CHD1L: variants seen among roughly 807,000 people sequenced by gnomAD.
CHD1L encodes the protein ATP-dependent chromatin remodeler CHD1L.
A neutral mutation model predicts 115.9 loss-of-function variants in CHD1L; 118 were observed. That is an observed-to-expected ratio of 1.02 (90% CI 0.88 to 1.19). CHD1L has a LOEUF of 1.19. CHD1L is among the 50% of genes most tolerant of loss of function. The probability of loss-of-function intolerance (pLI) is 0.00; values close to 1 mark genes in which losing one functional copy is unlikely to be tolerated. For synonymous variants in CHD1L, 411 were observed against 387.1 expected (o/e 1.06, Z -0.72); for missense variants, 1,179 against 1,065.3 (o/e 1.11, Z -1.49).
At chr1:147,202,539 C>T in the CHD1L span, among the ~76,000 whole-genome samples, 5 of 151,938 alleles carry the variant, frequency 3.3e-5, no homozygotes, top group East Asian at 3.9e-4. Context: ...AAGCTGGTCT[C>T]GAACTCCTGA....
chr1:147,275,744 C>T (rs1450833745), intron 13 of CHD1L, among the ~76,000 whole-genome samples: 1 of 140,812 alleles, frequency 7.1e-6, no homozygotes, highest in African/African-American at 2.7e-5. Context: ...GGGTCTGACT[C>T]AGTTAAAAAA....
chr1:147,286,070 C>G (rs1333649989), intron 17 of CHD1L, among the ~76,000 whole-genome samples: 2 of 152,124 alleles, frequency 1.3e-5, no homozygotes, highest in Non-Finnish European at 2.9e-5. Context: ...CTCTTTTAGT[C>G]TTAAAAACAG....
the CHD1L span, chr1:147,178,946 A>T: frequency 1.9e-6 from 3 of 1,609,300 alleles, no homozygotes; most frequent in South Asian, 2.2e-5. Flanking sequence ...GGTTCCAACT[A>T]CTGGAGAAAC....
At chr1:147,218,287 G>A in the CHD1L span, among the ~76,000 whole-genome samples, 728 of 151,888 alleles carry the variant, frequency 4.8e-3, no homozygotes, top group Non-Finnish European at 7.2e-3. Context: ...CCAGGCTGGA[G>A]TGCAGTAGCA....
chr1:147,265,924 T>C lies in CHD1L; in HGVS notation c.740-8T>C. On this transcript the variant is annotated splice_polypyrimidine_tract_variant and splice_region_variant and intron_variant, in intron 7 of 22. Coordinates refer to ENST00000369258, the MANE Select transcript of CHD1L (RefSeq NM_004284.6). Reference sequence around the variant, plus strand: ...CCCACACTTCTTGTATTTTTTTTTCTTATGTAGCAAGTGAACTGCACAAAC... The same window carrying C: ...CCCACACTTCTTGTATTTTTTTTTCCTATGTAGCAAGTGAACTGCACAAAC... 6.2e-7 allele frequency: 1 copy of C among 1,602,592 alleles called. No individual in the cohort carries two copies. Among genetic ancestry groups the C allele is most frequent in the Non-Finnish European group, 8.5e-7 (1 of 1,176,092 alleles).
In CHD1L at chr1:147,295,519, C is replaced by T; in HGVS notation, c.*10C>T. On this transcript the variant is annotated 3_prime_UTR_variant, in exon 23 of 23. Transcript: ENST00000369258. ...ACAGCTGGTGCCTTAAGAATTGGCC[C>T]AGCCTCAGATCCTGTCTTTAGCAAC... 1 of 1,593,720 alleles carries T rather than the reference C, an allele frequency of 6.3e-7. No individual in the cohort carries two copies. The highest frequency in any genetic ancestry group is 8.6e-7 in the Non-Finnish European group (1 of 1,164,116).
chr1:147,249,700 G>A (rs1210269543), intron 1 of CHD1L, among the ~76,000 whole-genome samples: 1 of 152,064 alleles, frequency 6.6e-6, no homozygotes, highest in African/African-American at 2.4e-5. Context: ...CACCGCGCCC[G>A]GCAATGTTTT....
rs781861189 is a variant in CHD1L, at chr1:147,242,692, T to A, written c.-12T>A. The A allele has an allele frequency of 1.6e-5, 20 of 1,263,164 alleles. No homozygotes were observed. The highest frequency in any genetic ancestry group is 3.7e-5 in the South Asian group (1 of 26,720). The allele number at this position is 1,263,164 out of a possible 1,614,324, so 78.2% of individuals were successfully genotyped here. ...GCGCTTGGCCGCGCGGGGCGGGGCC[T>A]CTACCGGCCCGATGGAGCGCGCGGG... is the stretch of plus-strand genomic sequence containing the variant. On this transcript the variant is annotated 5_prime_UTR_variant, in exon 1 of 23. Transcript: ENST00000369258.
At chr1:147,209,088 A>G in the CHD1L span, 2 of 1,575,864 alleles carry the variant, frequency 1.3e-6, no homozygotes, top group Non-Finnish European at 1.7e-6. Flanking sequence ...TTTGTCACTC[A>G]GATTCGTAAA....
the CHD1L span, among the ~76,000 whole-genome samples, chr1:147,233,258 C>T: frequency 1.9e-4 from 29 of 152,192 alleles, no homozygotes; most frequent in Non-Finnish European, 4.0e-4. Flanking sequence ...AGCCCCTCCG[C>T]CCGGCAGCCG....
intron 1 of CHD1L, among the ~76,000 whole-genome samples, chr1:147,249,367 G>A (rs143624661): frequency 0.015 from 1,628 of 108,756 alleles, 9 homozygotes; most frequent in Admixed American, 0.022. Flanking sequence ...TTTGTCTTTT[G>A]TTTTCAGCAT....
chr1:147,185,906 C>T, the CHD1L span, among the ~76,000 whole-genome samples: 1 of 152,100 alleles, frequency 6.6e-6, no homozygotes, highest in Non-Finnish European at 1.5e-5. Context: ...CTACACTTTA[C>T]GACATGAGAA....
chr1:147,216,760 T>C, the CHD1L span, among the ~76,000 whole-genome samples: 4 of 150,270 alleles, frequency 2.7e-5, no homozygotes, highest in Admixed American at 6.6e-5. Flanking sequence ...CCTTGAGAGA[T>C]TGTGTTAGAA....
At chr1:147,263,126 A>G (rs997591343) in intron 6 of CHD1L, among the ~76,000 whole-genome samples, 5 of 152,148 alleles carry the variant, frequency 3.3e-5, no homozygotes, top group Admixed American at 2.0e-4. Flanking sequence ...TTTACATACT[A>G]TGTTTTGACA....
At chr1:147,289,552 A>G (rs1335786815) in intron 19 of CHD1L, among the ~76,000 whole-genome samples, 1 of 152,122 alleles carries the variant, frequency 6.6e-6, no homozygotes, top group Non-Finnish European at 1.5e-5. Context: ...AATGGAGATG[A>G]GAGTGTGCAG....
At chr1:147,277,889 T>C (rs1438518928) in intron 14 of CHD1L, among the ~76,000 whole-genome samples, 1 of 152,152 alleles carries the variant, frequency 6.6e-6, no homozygotes, top group African/African-American at 2.4e-5. Context: ...ATAGGTTGTT[T>C]GCACTCTCCC....
chr1:147,226,248 A>G, the CHD1L span, among the ~76,000 whole-genome samples: 1 of 151,668 alleles, frequency 6.6e-6, no homozygotes, highest in East Asian at 1.9e-4. Flanking sequence ...CGGCTCACCT[A>G]TACCTCTCTC....
At chr1:147,189,091 T>C in the CHD1L span, among the ~76,000 whole-genome samples, 1 of 151,890 alleles carries the variant, frequency 6.6e-6, no homozygotes, top group African/African-American at 2.4e-5. Context: ...CTGGCCAACA[T>C]GGAGAAATCC....
chr1:147,276,983 G>A (rs1470391974), intron 14 of CHD1L, among the ~76,000 whole-genome samples: 2 of 152,178 alleles, frequency 1.3e-5, no homozygotes, highest in South Asian at 2.1e-4. Context: ...GGAGAGTCTG[G>A]TGTGAGAAAC....
Sources: gnomAD v4.1 joint callset for allele counts (sites outside exome capture counted in the v4.1 genomes callset) on GRCh38, gnomAD v4.1.1 for gene constraint, MANE v1.5 for transcripts, NCBI Gene and HGNC (gene_info 2026-07-23, HGNC 2026-07-21) for gene names.